CLMN: variants seen among roughly 807,000 people sequenced by gnomAD.
CLMN encodes the protein calmin.
Under a neutral mutation model 92.7 loss-of-function variants are expected in CLMN, and 57 were observed. That is an observed-to-expected ratio of 0.61 (90% CI 0.50 to 0.77). CLMN has a LOEUF of 0.77. CLMN is among the 30% of genes least tolerant of loss of function. CLMN has a pLI of 0.00. For missense variants in CLMN, 1,158 were observed against 1,237.5 expected, an observed-to-expected ratio of 0.94 and a Z score of 0.96; for synonymous variants, 466 against 470.6, an observed-to-expected ratio of 0.99 and a Z score of 0.13.
chr14:95,266,136 T>A (rs760932383), intron 1 of CLMN, among the ~76,000 whole-genome samples: 1 of 152,216 alleles, frequency 6.6e-6, no homozygotes, highest in Non-Finnish European at 1.5e-5. Context: ...TCCTCTAAGA[T>A]CTGGAACGAG....
chr14:95,194,687 A>G lies in CLMN; in HGVS notation c.2709-91T>C, dbSNP rs760536097. On this transcript the variant is annotated intron_variant, in intron 10 of 12. Coordinates refer to ENST00000298912, the MANE Select transcript of CLMN (RefSeq NM_024734.4). This position sits in a 1 kb window ranked among gnomAD's most constrained non-coding sequence, Gnocchi z 4.0. ...CACCCCCATCCTGGGGTTTCCACGT[A>G]TGGGTTTAGGCAAGCGACAACTTCA... is the stretch of plus-strand genomic sequence containing the variant. The G allele has an allele frequency of 1.1e-5, 14 of 1,226,536 alleles. 1 individual carries two copies. Among genetic ancestry groups the G allele is most frequent in the Non-Finnish European group, 1.4e-5 (12 of 828,584 alleles). 76.0% of individuals were successfully genotyped at this position (1,226,536 alleles called of 1,614,324 possible). A position where few individuals can be genotyped will look rare whatever the true frequency, so the allele number is the denominator to read the frequency against.
intron 6 of CLMN, 115 bp from the exon 7 acceptor site, chr14:95,210,994 C>T (rs750075498): frequency 2.3e-5 from 25 of 1,065,378 alleles, no homozygotes; most frequent in African/African-American, 1.3e-4. Context: ...CTGCCGACCT[C>T]GCCAGGTGAA....
intron 1 of CLMN, among the ~76,000 whole-genome samples, chr14:95,272,250 C>T (rs1371811973): frequency 6.6e-6 from 1 of 152,040 alleles, no homozygotes; most frequent in Non-Finnish European, 1.5e-5. Context: ...GGAGGAGGAG[C>T]CTGCCAGGAG....
intron 1 of CLMN, among the ~76,000 whole-genome samples, chr14:95,289,494 TAAATAAATAAATAAAC>T (rs200258754): frequency 0.084 from 10,865 of 129,712 alleles, 569 homozygotes; most frequent in African/African-American, 0.16. Context: ...AATAAATAAA[TAAATAAATAAATAAAC>T]AAACAAACAA....
At chr14:95,238,787 A>G (rs1898144847) in intron 1 of CLMN, among the ~76,000 whole-genome samples, 1 of 152,174 alleles carries the variant, frequency 6.6e-6, no homozygotes, top group African/African-American at 2.4e-5. Flanking sequence ...GCTCACTCTA[A>G]CTAGGGACTT....
chr14:95,258,896 GGT>G (rs1268805425), intron 1 of CLMN, among the ~76,000 whole-genome samples: 1 of 150,178 alleles, frequency 6.7e-6, no homozygotes, highest in Non-Finnish European at 1.5e-5. Flanking sequence ...GTGTGTGGAG[GGT>G]GTGTGTGTAT....
chr14:95,195,056 G>T (rs1896665931), intron 10 of CLMN, among the ~76,000 whole-genome samples: 4 of 152,306 alleles, frequency 2.6e-5, no homozygotes. Flanking sequence ...ATTCCACCCA[G>T]TCCTAGCGGA....
chr14:95,193,736 T>C (rs1896618671), intron 12 of CLMN, 113 bp downstream of exon 12: 1 of 1,282,986 alleles, frequency 7.8e-7, no homozygotes, highest in African/African-American at 1.5e-5. Context: ...TCCCAAATTA[T>C]TAATACTGTT....
intron 2 of CLMN, among the ~76,000 whole-genome samples, chr14:95,224,749 G>T (rs553797068): frequency 1.3e-5 from 2 of 152,240 alleles, no homozygotes; most frequent in Admixed American, 6.5e-5. Flanking sequence ...CCCTGGGCCA[G>T]TTACTCTCCA....
chr14:95,204,375 A>G lies in CLMN; in HGVS notation c.974T>C (p.Val325Ala). Reference protein sequence around the residue: ...KETPSEQESKVFVLTENGERT... With the variant: ...KETPSEQESKAFVLTENGERT... ...CTCCCCATTTTCAGTCAGAACGAAG[A>G]CTTTGCTCTCCTGTTCAGAAGGAGT... is the stretch of plus-strand genomic sequence containing the variant. Residue 325 changes from valine to alanine, a missense_variant, in exon 9 of 13, where the codon GTC (valine) becomes GCC (alanine). Coordinates refer to ENST00000298912, the MANE Select transcript of CLMN (RefSeq NM_024734.4). The G allele has an allele frequency of 6.2e-7, 1 of 1,614,114 alleles. No individual in the cohort carries two copies. The highest frequency in any genetic ancestry group is 8.5e-7 in the Non-Finnish European group (1 of 1,180,012).
intron 1 of CLMN, among the ~76,000 whole-genome samples, chr14:95,311,303 A>G (rs17092036): frequency 0.062 from 9,417 of 152,186 alleles, 304 homozygotes; most frequent in Middle Eastern, 0.095. Flanking sequence ...ATAGTTTTAA[A>G]AAGGAGAGGG....
chr14:95,212,165 A>G (rs890851212), intron 6 of CLMN, among the ~76,000 whole-genome samples: 1 of 152,196 alleles, frequency 6.6e-6, no homozygotes, highest in East Asian at 1.9e-4. Flanking sequence ...AAAGGAATCA[A>G]TATTTGTGAA....
intron 1 of CLMN, among the ~76,000 whole-genome samples, chr14:95,247,785 C>G (rs913235624): frequency 3.9e-5 from 6 of 151,946 alleles, no homozygotes; most frequent in Non-Finnish European, 5.9e-5. Context: ...ACTGACTGGT[C>G]CTTCGAATCA....
chr14:95,313,648 A>C (rs1163171773), intron 1 of CLMN, among the ~76,000 whole-genome samples: 4 of 152,176 alleles, frequency 2.6e-5, no homozygotes, highest in Admixed American at 1.3e-4. Context: ...AACAAAAAAA[A>C]AAAAAAGGCA....
chr14:95,208,549 A>G lies in CLMN; in HGVS notation c.885+846T>C, dbSNP rs541830061. Reference sequence around the variant, plus strand: ...CTAACATATTCCATCTGACATGTAAAAAATCAAGAAGCAGATCCGTTTTAT... The same window carrying G: ...CTAACATATTCCATCTGACATGTAAGAAATCAAGAAGCAGATCCGTTTTAT... On this transcript the variant is annotated intron_variant, in intron 8 of 12. Transcript: ENST00000298912. Among the ~76,000 whole-genome samples the G allele has an allele frequency of 3.3e-5, 5 of 152,366 alleles. No individual in the cohort carries two copies. In the East Asian group the frequency reaches 9.6e-4, roughly 29 times the overall value.
chr14:95,279,109 A>G (rs1900045492), intron 1 of CLMN, among the ~76,000 whole-genome samples: 1 of 152,246 alleles, frequency 6.6e-6, no homozygotes, highest in Non-Finnish European at 1.5e-5. Flanking sequence ...GCTCTACTTA[A>G]TTGGCTTAAA....
intron 2 of CLMN, among the ~76,000 whole-genome samples, chr14:95,227,166 T>G (rs1054250252): frequency 1.3e-5 from 2 of 152,152 alleles, no homozygotes; most frequent in African/African-American, 4.8e-5. Context: ...CCAGCCACCC[T>G]TTCCCTGTGG....
At chr14:95,291,220 G>A (rs1900552851) in intron 1 of CLMN, among the ~76,000 whole-genome samples, 1 of 152,244 alleles carries the variant, frequency 6.6e-6, no homozygotes, top group East Asian at 1.9e-4. Context: ...GCCTGGGCGT[G>A]AGCCTTCCTG....
chr14:95,264,821 C>T (rs1899405409), intron 1 of CLMN, among the ~76,000 whole-genome samples: 1 of 151,870 alleles, frequency 6.6e-6, no homozygotes, highest in Admixed American at 6.6e-5. Context: ...ACCTATAATC[C>T]CAGCTCTTTG....
Sources: gnomAD v4.1 joint callset for allele counts (sites outside exome capture counted in the v4.1 genomes callset) on GRCh38, gnomAD v4.1.1 for gene constraint, Gnocchi (gnomAD v3.1) non-coding constraint, MANE v1.5 for transcripts, NCBI Gene and HGNC (gene_info 2026-07-23, HGNC 2026-07-21) for gene names.